Variants in CREB1 observed in about 807,000 individuals in gnomAD.
CREB1 encodes cAMP responsive element binding protein 1, also known as cyclic AMP-responsive element-binding protein 1.
A neutral mutation model predicts 42.0 loss-of-function variants in CREB1; 2 were observed. The ratio of observed to expected loss-of-function variants is 0.05; its 90% CI spans 0.02 to 0.15. The LOEUF (loss-of-function observed/expected upper bound fraction) is 0.15, where lower values mean the gene tolerates loss of function less well. Among genes scored for constraint, CREB1 ranks in the 10% least tolerant of loss-of-function variants. The pLI, the probability that CREB1 is intolerant of heterozygous loss-of-function variation, is 1.00. For synonymous variants in CREB1, 123 were observed against 139.9 expected (o/e 0.88, Z 0.85); for missense variants, 199 against 388.9 (o/e 0.51, Z 4.11).
At chr2:207,530,479 CCCGCCG>C (rs1451657850) in intron 1 of CREB1, among the ~76,000 whole-genome samples, 1 of 144,320 alleles carries the variant, frequency 6.9e-6, no homozygotes, top group East Asian at 2.0e-4. Context: ...CGCCCGCGTT[CCCGCCG>C]CCGCCGCCGG....
At chr2:207,555,603 G>C (rs1035168298) in intron 1 of CREB1, 25 bp from the exon 2 acceptor site, 2 of 1,465,006 alleles carry the variant, frequency 1.4e-6, no homozygotes, top group South Asian at 2.3e-5. Flanking sequence ...TGTGGTGCTT[G>C]TAACACTCTT....
chr2:207,581,889 A>G, intron 7 of CREB1: 1 of 702,968 alleles, frequency 1.4e-6, no homozygotes, highest in Non-Finnish European at 2.6e-6. Flanking sequence ...TAACTTTTGA[A>G]GAGTAGTGAT....
At chr2:207,553,374 A>G (rs988233694) in intron 1 of CREB1, among the ~76,000 whole-genome samples, 11 of 152,130 alleles carry the variant, frequency 7.2e-5, no homozygotes, top group Non-Finnish European at 1.5e-4. Flanking sequence ...GGGCCCAGGT[A>G]AACTTTTGTT....
chr2:207,561,719 G>A (rs989052975), intron 3 of CREB1, among the ~76,000 whole-genome samples: 1 of 151,926 alleles, frequency 6.6e-6, no homozygotes, highest in Non-Finnish European at 1.5e-5. Context: ...TTTTCTTCTG[G>A]GTGAGCGCTG....
intron 7 of CREB1, chr2:207,582,925 A>ATC: frequency 3.8e-6 from 1 of 261,738 alleles, no homozygotes; most frequent in South Asian, 4.0e-5. Context: ...AAAAATATAT[A>ATC]TATATACATA....
chr2:207,549,838 C>T (rs2081430778), intron 1 of CREB1, among the ~76,000 whole-genome samples: 1 of 152,002 alleles, frequency 6.6e-6, no homozygotes, highest in Admixed American at 6.6e-5. Flanking sequence ...AAAAAATTGG[C>T]ACACACCTGT....
intron 1 of CREB1, among the ~76,000 whole-genome samples, chr2:207,538,935 G>A (rs534807182): frequency 6.6e-6 from 1 of 152,098 alleles, no homozygotes; most frequent in Non-Finnish European, 1.5e-5. Flanking sequence ...ATTTTTGAGG[G>A]CTGTTATCCC....
intron 7 of CREB1, among the ~76,000 whole-genome samples, chr2:207,586,962 T>G (rs2083955707): frequency 6.6e-6 from 1 of 152,082 alleles, no homozygotes; most frequent in African/African-American, 2.4e-5. Flanking sequence ...ATGGCTATAA[T>G]CAAAAAGACA....
At chr2:207,559,183 C>G in intron 2 of CREB1, 1 of 295,688 alleles carries the variant, frequency 3.4e-6, no homozygotes, top group Non-Finnish European at 5.0e-6. Context: ...TTATCCCACT[C>G]TGCCATGTGT....
intron 7 of CREB1, among the ~76,000 whole-genome samples, chr2:207,594,806 A>G (rs1215716447): frequency 6.6e-6 from 1 of 152,112 alleles, no homozygotes; most frequent in Non-Finnish European, 1.5e-5. Context: ...TCCATTTTCC[A>G]TAGCAGCTGC....
intron 5 of CREB1, among the ~76,000 whole-genome samples, chr2:207,574,205 C>G (rs150789743): frequency 3.3e-5 from 5 of 152,338 alleles, no homozygotes; most frequent in Non-Finnish European, 1.5e-5. Context: ...TGATCCCAAA[C>G]TAATTCCCTT....
rs1193936130 is a variant in CREB1, at chr2:207,604,555, GGAA to G, written c.*7499_*7501del. 2.0e-5 allele frequency among the ~76,000 whole-genome samples: 3 copies of G among 152,166 alleles called. No homozygotes were observed. The highest frequency in any genetic ancestry group is 4.4e-5 in the Non-Finnish European group (3 of 68,032). Reference sequence around the variant, plus strand: ...ACACGGGCCTGACATCAAATGGAAAGGAAGGATAATGTCCAGGAGTTGGAATGT... The same window carrying G: ...ACACGGGCCTGACATCAAATGGAAAGGGATAATGTCCAGGAGTTGGAATGT... On this transcript the variant is annotated 3_prime_UTR_variant, in exon 8 of 8. Coordinates refer to ENST00000353267, the MANE Select transcript of CREB1 (RefSeq NM_004379.5).
chr2:207,577,198 G>T, intron 6 of CREB1: 1 of 1,110,014 alleles, frequency 9.0e-7, no homozygotes. Context: ...CATCCAAGCT[G>T]TGCCCCACTT....
At position 207,602,761 on chromosome 2, in the gene CREB1, G is replaced by A. The variant is rs2087304882; in HGVS notation, c.*5703G>A. The A allele has an allele frequency of 4.7e-6, 1 of 213,246 alleles. No homozygotes were observed. The highest frequency in any genetic ancestry group is 9.5e-6 in the Non-Finnish European group (1 of 105,510). 13.2% of individuals were successfully genotyped at this position (213,246 alleles called of 1,614,324 possible). On this transcript the variant is annotated 3_prime_UTR_variant, in exon 8 of 8. Transcript: ENST00000353267. The stretch of plus-strand genomic sequence containing the variant: ...TGTAATAAAATTATTTATATTAAAA[G>A]TGGGAAATAATTGTCAACATTTTTT...
In CREB1 at chr2:207,570,041, A is replaced by AAC; in HGVS notation, c.363-137_363-136insCA. 16 of 167,412 alleles carry AAC rather than the reference A, an allele frequency of 9.6e-5. No homozygotes were observed. In the East Asian group the frequency reaches 2.3e-3, roughly 24 times the overall value. The allele number at this position is 167,412 out of a possible 1,614,324, so 10.4% of individuals were successfully genotyped here. A position where few individuals can be genotyped will look rare whatever the true frequency, so the allele number is the denominator to read the frequency against. ...TGGCGACAGAGCAAGACTCCATCTC[A>AAC]AAAAAAAAAAAAAAAAAAAAACCTT... On this transcript the variant is annotated intron_variant, in intron 4 of 7. Transcript: ENST00000353267.
At chr2:207,573,528 G>T (rs2082454019) in intron 5 of CREB1, among the ~76,000 whole-genome samples, 1 of 152,138 alleles carries the variant, frequency 6.6e-6, no homozygotes, top group Non-Finnish European at 1.5e-5. Context: ...TTGAGGCCAG[G>T]AGTTCAAGAT....
At chr2:207,550,605 C>A (rs1051470890) in intron 1 of CREB1, 1 of 152,046 alleles carries the variant, frequency 6.6e-6, no homozygotes, top group Non-Finnish European at 1.5e-5. Flanking sequence ...AGTATGTATT[C>A]TTTCCTTTTG....
chr2:207,563,765 A>G (rs2082038499), intron 3 of CREB1, among the ~76,000 whole-genome samples: 2 of 152,076 alleles, frequency 1.3e-5, no homozygotes, highest in Non-Finnish European at 2.9e-5. Flanking sequence ...CCAACATGGC[A>G]AAACGCCATC....
At chr2:207,540,919 T>C (rs1322127688) in intron 1 of CREB1, among the ~76,000 whole-genome samples, 1 of 152,084 alleles carries the variant, frequency 6.6e-6, no homozygotes, top group Non-Finnish European at 1.5e-5. Flanking sequence ...ATTTTGTTTA[T>C]ATAAATTTAG....
Sources: gnomAD v4.1 joint callset for allele counts (sites outside exome capture counted in the v4.1 genomes callset) on GRCh38, gnomAD v4.1.1 for gene constraint, MANE v1.5 for transcripts, NCBI Gene and HGNC (gene_info 2026-07-23, HGNC 2026-07-21) for gene names.